PCDHA12: variants seen among roughly 807,000 people sequenced by gnomAD.
PCDHA12 encodes protocadherin alpha-12.
PCDHA12 carries 44 observed loss-of-function variants against 60.0 expected under a neutral mutation model. The ratio of observed to expected loss-of-function variants is 0.73; its 90% CI spans 0.58 to 0.94. The LOEUF is 0.94. Among genes scored for constraint, PCDHA12 ranks in the 40% least tolerant of loss-of-function variants. The pLI is 0.00. For synonymous variants in PCDHA12, 569 were observed against 553.0 expected (o/e 1.03, Z -0.40); for missense variants, 1,276 against 1,239.7 (o/e 1.03, Z -0.44).
intron 1 of PCDHA12, among the ~76,000 whole-genome samples, chr5:140,900,279 C>A (rs2067883641): frequency 6.6e-6 from 1 of 151,672 alleles, no homozygotes. Flanking sequence ...ATGTACCACA[C>A]TTTCTTTTCT....
intron 1 of PCDHA12, among the ~76,000 whole-genome samples, chr5:140,886,431 ATTTG>A (rs1272820447): frequency 6.6e-6 from 1 of 152,012 alleles, no homozygotes; most frequent in East Asian, 1.9e-4. Context: ...ATTTCTATTC[ATTTG>A]TTTGTACTAA....
chr5:140,914,771 ACTTAT>A (rs1394572780), intron 1 of PCDHA12, among the ~76,000 whole-genome samples: 1 of 151,760 alleles, frequency 6.6e-6, no homozygotes, highest in Non-Finnish European at 1.5e-5. Context: ...GAGGTTTATG[ACTTAT>A]CTTATGACCC....
chr5:140,911,849 T>C (rs536574096), intron 1 of PCDHA12, among the ~76,000 whole-genome samples: 4 of 152,314 alleles, frequency 2.6e-5, no homozygotes, highest in African/African-American at 9.6e-5. Flanking sequence ...AACTCCATCC[T>C]TAATAGTCTG....
chr5:140,994,786 T>C (rs1219918332), intron 3 of PCDHA12, among the ~76,000 whole-genome samples: 4 of 152,086 alleles, frequency 2.6e-5, no homozygotes, highest in Non-Finnish European at 5.9e-5. Context: ...AAGGAAACAA[T>C]GCGTGCATGC....
At chr5:140,966,246 G>A (rs184430396) in intron 1 of PCDHA12, 1 of 319,412 alleles carries the variant, frequency 3.1e-6, no homozygotes, top group East Asian at 5.0e-5. Flanking sequence ...TTAAGCAGGG[G>A]AGAGACGGTG....
chr5:140,932,703 G>A (rs1218359293), intron 1 of PCDHA12, among the ~76,000 whole-genome samples: 2 of 151,660 alleles, frequency 1.3e-5, no homozygotes, highest in Non-Finnish European at 3.0e-5. Flanking sequence ...AACTCATATA[G>A]ACAACACAAT....
At chr5:140,930,306 CAT>C (rs1554207728) in intron 1 of PCDHA12, 1 of 152,052 alleles carries the variant, frequency 6.6e-6, no homozygotes, top group East Asian at 1.9e-4. Context: ...AAGTAAATAT[CAT>C]ATTTGAGAGT....
At chr5:140,940,636 C>A (rs1554213535) in intron 1 of PCDHA12, among the ~76,000 whole-genome samples, 1 of 152,106 alleles carries the variant, frequency 6.6e-6, no homozygotes. Flanking sequence ...TTAAGCTTGT[C>A]ATTTATTTAT....
chr5:140,967,595 G>A, intron 1 of PCDHA12: 1 of 1,614,168 alleles, frequency 6.2e-7, no homozygotes, highest in Non-Finnish European at 8.5e-7. Context: ...CACATTGGTG[G>A]TGAAGCTGAA....
chr5:140,902,963 G>T (rs2069893804), intron 1 of PCDHA12, among the ~76,000 whole-genome samples: 1 of 152,180 alleles, frequency 6.6e-6, no homozygotes, highest in Non-Finnish European at 1.5e-5. Context: ...CTTGTTGGCT[G>T]ATGGGCATTT....
chr5:140,927,008 T>C (rs1482906318), intron 1 of PCDHA12: 1 of 1,612,396 alleles, frequency 6.2e-7, no homozygotes, highest in Admixed American at 1.7e-5. Context: ...GTAGGCAATC[T>C]CTCCGCGGAC....
intron 1 of PCDHA12, among the ~76,000 whole-genome samples, chr5:140,916,167 C>T (rs2077462600): frequency 6.6e-6 from 1 of 152,080 alleles, no homozygotes; most frequent in South Asian, 2.1e-4. Context: ...TGCTGCCAGG[C>T]CTGGGACTCT....
At chr5:140,967,481 G>C (rs1554229603) in intron 1 of PCDHA12, 2 of 1,613,426 alleles carry the variant, frequency 1.2e-6, no homozygotes, top group Admixed American at 1.7e-5. Flanking sequence ...AGCCCGCTCG[G>C]GTACGGCACA....
chr5:141,000,689 A>G (rs1469257297), intron 3 of PCDHA12, among the ~76,000 whole-genome samples: 1 of 151,438 alleles, frequency 6.6e-6, no homozygotes, highest in African/African-American at 2.4e-5. Context: ...CTGCCTCCCA[A>G]AGTGCTGGGA....
In PCDHA12 at chr5:140,877,371, G is replaced by T; in HGVS notation, c.1899G>T (p.Thr633=). 6.2e-7 allele frequency: 1 copy of T among 1,613,994 alleles called. No individual in the cohort carries two copies. The highest frequency in any genetic ancestry group is 8.5e-7 in the Non-Finnish European group (1 of 1,179,884). ...GGCTGTACACTGGCGAGATCAGCAC[G>T]ACACGCATCCTGGATGAGGCGGACG... is the stretch of plus-strand genomic sequence containing the variant. ...HVGLYTGEIS[T]TRILDEADAP... The change falls in exon 1 of 4, where the codon ACG becomes ACT. Residue 633 remains threonine, a synonymous_variant. Transcript: ENST00000398631.
At chr5:140,891,722 T>C (rs534881594) in intron 1 of PCDHA12, among the ~76,000 whole-genome samples, 1 of 152,292 alleles carries the variant, frequency 6.6e-6, no homozygotes, top group East Asian at 1.9e-4. Flanking sequence ...CAAATTCATG[T>C]GTTGAAAATT....
At position 140,876,192 on chromosome 5, in the gene PCDHA12, G is replaced by C; in HGVS notation, c.720G>C (p.Pro240=). The change falls in exon 1 of 4, where the codon CCG becomes CCC. Residue 240 remains proline, a synonymous_variant. Coordinates refer to ENST00000398631, the MANE Select transcript of PCDHA12 (RefSeq NM_018903.4). ...ITVLDVNDNG[P]AFDKPSYKVV... is the part of the protein sequence containing the mutation. Reference sequence around the variant, plus strand: ...TCCTGGATGTGAATGACAATGGTCCGGCGTTTGATAAGCCCAGCTATAAAG... The same window carrying C: ...TCCTGGATGTGAATGACAATGGTCCCGCGTTTGATAAGCCCAGCTATAAAG... The C allele has an allele frequency of 6.2e-7, 1 of 1,613,850 alleles. No homozygotes were observed. The highest frequency in any genetic ancestry group is 8.5e-7 in the Non-Finnish European group (1 of 1,179,866).
chr5:141,011,102 CT>C lies in PCDHA12; in HGVS notation c.*1166del, dbSNP rs2098419453. The C allele has an allele frequency of 1.3e-5, 2 of 153,744 alleles. No homozygotes were observed. The highest frequency in any genetic ancestry group is 6.5e-5 in the Admixed American group (1 of 15,280). The allele number at this position is 153,744 out of a possible 1,614,324, so 9.5% of individuals were successfully genotyped here. On this transcript the variant is annotated 3_prime_UTR_variant, in exon 4 of 4. Transcript: ENST00000398631. ...ATGATCTCTCTTTCTCTCTCTCTCT[CT>C]CTTTTCTAAGAAACAATTATGTGCA...
intron 1 of PCDHA12, among the ~76,000 whole-genome samples, chr5:140,891,246 AT>A (rs1213637493): frequency 2.0e-5 from 3 of 151,650 alleles, no homozygotes; most frequent in Non-Finnish European, 4.4e-5. Flanking sequence ...ATTCAGTAGG[AT>A]TTTTTTTAAT....
Sources: gnomAD v4.1 joint callset for allele counts (sites outside exome capture counted in the v4.1 genomes callset) on GRCh38, gnomAD v4.1.1 for gene constraint, MANE v1.5 for transcripts, NCBI Gene and HGNC (gene_info 2026-07-23, HGNC 2026-07-21) for gene names.